The following ABTB3 variants were observed in gnomAD, a reference collection of about 807,000 sequenced individuals.
The protein encoded by ABTB3 is ankyrin repeat and BTB domain containing 3, also known as ankyrin repeat- and BTB/POZ domain-containing protein 3.
chr12:107,643,561 T>G, the ABTB3 span, among the ~76,000 whole-genome samples: 1 of 152,076 alleles, frequency 6.6e-6, no homozygotes, highest in Non-Finnish European at 1.5e-5. Flanking sequence ...CCCCTCAGCC[T>G]AGGCCCTCCC....
At chr12:107,370,552 C>T in the ABTB3 span, among the ~76,000 whole-genome samples, 1 of 152,128 alleles carries the variant, frequency 6.6e-6, no homozygotes, top group African/African-American at 2.4e-5. Flanking sequence ...TCAGCCCTTT[C>T]CCCTGAAAAA....
At chr12:107,386,173 C>T in the ABTB3 span, among the ~76,000 whole-genome samples, 2 of 152,232 alleles carry the variant, frequency 1.3e-5, no homozygotes, top group Non-Finnish European at 2.9e-5. Context: ...CTACCTTTTA[C>T]CTAGTAGACT....
At chr12:107,654,951 G>A in the ABTB3 span, among the ~76,000 whole-genome samples, 1 of 150,746 alleles carries the variant, frequency 6.6e-6, no homozygotes, top group Non-Finnish European at 1.5e-5. Flanking sequence ...CTTTGCAGAA[G>A]AGAGGGCTCT....
At chr12:107,482,936 CTT>C in the ABTB3 span, among the ~76,000 whole-genome samples, 1 of 15,476 alleles carries the variant, frequency 6.5e-5, no homozygotes, top group Non-Finnish European at 1.4e-4. Flanking sequence ...TTCTTTCTTT[CTT>C]TCTTTCTTTC....
chr12:107,373,054 T>G, the ABTB3 span, among the ~76,000 whole-genome samples: 1 of 152,136 alleles, frequency 6.6e-6, no homozygotes, highest in African/African-American at 2.4e-5. Context: ...ACACCCCCTC[T>G]CCTCAAAAAG....
chr12:107,643,922 C>T, the ABTB3 span, among the ~76,000 whole-genome samples: 2 of 152,066 alleles, frequency 1.3e-5, no homozygotes, highest in African/African-American at 4.8e-5. Flanking sequence ...TTTCATCACA[C>T]CCAGCTAATT....
At chr12:107,318,993 T>C in the ABTB3 span, 1 of 1,613,684 alleles carries the variant, frequency 6.2e-7, no homozygotes, top group Non-Finnish European at 8.5e-7. Context: ...GATCTGACGC[T>C]GGACTCGGGT....
At chr12:107,483,333 C>G in the ABTB3 span, among the ~76,000 whole-genome samples, 1 of 152,244 alleles carries the variant, frequency 6.6e-6, no homozygotes, top group African/African-American at 2.4e-5. Context: ...CATGAGCCAC[C>G]GTGCCCAGCC....
the ABTB3 span, among the ~76,000 whole-genome samples, chr12:107,492,270 T>C: frequency 3.9e-5 from 6 of 152,144 alleles, no homozygotes. Context: ...CTCCACTGAC[T>C]GGAACCCCCT....
chr12:107,351,035 C>T, the ABTB3 span, among the ~76,000 whole-genome samples: 293 of 151,574 alleles, frequency 1.9e-3, 3 homozygotes, highest in Non-Finnish European at 1.5e-3. Flanking sequence ...GATTGGAAAC[C>T]GGAAAAAAAA....
At chr12:107,528,521 G>A in the ABTB3 span, among the ~76,000 whole-genome samples, 1 of 152,188 alleles carries the variant, frequency 6.6e-6, no homozygotes, top group African/African-American at 2.4e-5. Flanking sequence ...TTCTCAGGTA[G>A]GCTTCTAAAA....
the ABTB3 span, among the ~76,000 whole-genome samples, chr12:107,508,822 A>G: frequency 6.6e-6 from 1 of 152,138 alleles, no homozygotes; most frequent in East Asian, 1.9e-4. Context: ...TTATCACACC[A>G]CATGGCGTTA....
chr12:107,436,237 G>A, the ABTB3 span, among the ~76,000 whole-genome samples: 1 of 152,176 alleles, frequency 6.6e-6, no homozygotes, highest in Non-Finnish European at 1.5e-5. Flanking sequence ...ACTCTCCAAG[G>A]GGTCAGATGT....
the ABTB3 span, among the ~76,000 whole-genome samples, chr12:107,534,671 C>T: frequency 6.6e-6 from 1 of 151,972 alleles, no homozygotes; most frequent in Admixed American, 6.6e-5. Context: ...AACTATACAC[C>T]AACAGATTGG....
At chr12:107,554,924 C>T in the ABTB3 span, among the ~76,000 whole-genome samples, 1 of 152,226 alleles carries the variant, frequency 6.6e-6, no homozygotes, top group African/African-American at 2.4e-5. Flanking sequence ...CTTAGCCTGT[C>T]ATAGGTGCTT....
At chr12:107,488,803 G>A in the ABTB3 span, among the ~76,000 whole-genome samples, 2 of 152,012 alleles carry the variant, frequency 1.3e-5, no homozygotes, top group African/African-American at 2.4e-5. Context: ...GAGGAATTGG[G>A]CAGGATAACC....
the ABTB3 span, among the ~76,000 whole-genome samples, chr12:107,643,018 C>T: frequency 6.6e-6 from 1 of 152,162 alleles, no homozygotes; most frequent in Non-Finnish European, 1.5e-5. Context: ...TCTACAGCTC[C>T]AAGACCCTCC....
At chr12:107,538,305 G>A in the ABTB3 span, among the ~76,000 whole-genome samples, 2 of 152,238 alleles carry the variant, frequency 1.3e-5, no homozygotes, top group Non-Finnish European at 2.9e-5. Context: ...TTAGTTCTCT[G>A]TGCCTCACTT....
the ABTB3 span, among the ~76,000 whole-genome samples, chr12:107,490,761 C>T: frequency 6.6e-6 from 1 of 152,134 alleles, no homozygotes; most frequent in South Asian, 2.1e-4. Flanking sequence ...TGGGGCAGAG[C>T]AATTTGCTTC....
Sources: allele counts gnomAD v4.1 joint callset (sites outside exome capture counted in the v4.1 genomes callset), GRCh38; gene constraint gnomAD v4.1.1; transcripts MANE v1.5; gene names NCBI Gene and HGNC (gene_info 2026-07-23, HGNC 2026-07-21).